MMD2: variants seen among roughly 807,000 people sequenced by gnomAD.
MMD2 encodes the protein monocyte to macrophage differentiation associated 2.
Under a neutral mutation model 33.5 loss-of-function variants are expected in MMD2, and 30 were observed. That is an observed-to-expected ratio of 0.90 (90% CI 0.67 to 1.22). MMD2 has a LOEUF of 1.22. Ranked by LOEUF, MMD2 falls within the 50% of genes most tolerant of loss-of-function variation. The pLI, the probability that MMD2 is intolerant of heterozygous loss-of-function variation, is 0.00. For missense variants in MMD2, 364 were observed against 325.4 expected, an observed-to-expected ratio of 1.12 and a Z score of -0.91; for synonymous variants, 129 against 123.0, an observed-to-expected ratio of 1.05 and a Z score of -0.32.
At position 4,925,436 on chromosome 7, in the gene MMD2, C is replaced by CA; in HGVS notation, c.129+14dup. ...GTCCCCATCTCAGCCCTGAGCCCCC[C>CA]AAAAGCCAACTCACAGCATGGGTGG... On this transcript the variant is annotated intron_variant, in intron 2 of 6. Transcript: ENST00000401401. The CA allele has an allele frequency of 1.3e-6, 2 of 1,535,320 alleles. No homozygotes were observed. The highest frequency in any genetic ancestry group is 1.8e-6 in the Non-Finnish European group (2 of 1,138,784).
At chr7:4,895,979 C>A in the MMD2 span, among the ~76,000 whole-genome samples, 15 of 152,272 alleles carry the variant, frequency 9.9e-5, no homozygotes, top group African/African-American at 3.6e-4. Flanking sequence ...CACGTTTTCC[C>A]ATCACTCCTT....
At chr7:4,935,202 A>C (rs1438012272) in intron 1 of MMD2, among the ~76,000 whole-genome samples, 1 of 151,836 alleles carries the variant, frequency 6.6e-6, no homozygotes, top group Non-Finnish European at 1.5e-5. Flanking sequence ...AGAAAAAAAA[A>C]ACTAGCTATA....
Position 4,940,080 on chromosome 7 carries a change from G to C in MMD2, c.48-14548C>G, listed in dbSNP as rs936730452. Among the ~76,000 whole-genome samples, 1 of 152,174 alleles carries C rather than the reference G, an allele frequency of 6.6e-6. No individual in the cohort carries two copies. ...TAAATTTCAAGAACAGGCAGCGCAG[G>C]TCTGTTGAAGGTCCGATGACGCCAG... On this transcript the variant is annotated intron_variant, in intron 1 of 6. Coordinates refer to ENST00000401401, the MANE Select transcript of MMD2 (RefSeq NM_198403.4). This position sits in a 1 kb window ranked among gnomAD's most constrained non-coding sequence, Gnocchi z 5.0.
rs79755186 is a variant in MMD2 at position 4,956,918 on chromosome 7, C to G, written c.47+2053G>C. 4.7e-3 allele frequency among the ~76,000 whole-genome samples: 716 copies of G among 152,184 alleles called. 5 individuals are homozygous for G. Among genetic ancestry groups the G allele is most frequent in the African/African-American group, 0.017 (696 of 41,526 alleles). ...GCCAGCCTTTACAAGTCCAAGTGCC[C>G]ACTTTGGGAGGCCGAGGTGAGAGGA... On this transcript the variant is annotated intron_variant, in intron 1 of 6. Coordinates refer to ENST00000401401, the MANE Select transcript of MMD2 (RefSeq NM_198403.4).
At chr7:4,945,881 C>T (rs2115150619) in intron 1 of MMD2, among the ~76,000 whole-genome samples, 1 of 152,340 alleles carries the variant, frequency 6.6e-6, no homozygotes, top group African/African-American at 2.4e-5. Flanking sequence ...GGCCTCTTTC[C>T]TTCTTTCCTC....
At chr7:4,918,313 A>AT (rs1454612370) in intron 3 of MMD2, among the ~76,000 whole-genome samples, 1 of 152,166 alleles carries the variant, frequency 6.6e-6, no homozygotes, top group Non-Finnish European at 1.5e-5. Context: ...CCCTGAACAA[A>AT]TTTGACTAAT....
chr7:4,905,294 A>G (rs1327951960), downstream of MMD2, among the ~76,000 whole-genome samples: 25 of 148,348 alleles, frequency 1.7e-4, no homozygotes, highest in African/African-American at 5.6e-4. The surrounding 1 kb of genome is among the most constrained non-coding windows in gnomAD (Gnocchi z 5.0). Flanking sequence ...AAGAAGAAGA[A>G]GAAGAGGAAG....
chr7:4,911,035 T>C (rs2115089226), intron 5 of MMD2, 110 bp downstream of exon 5: 7 of 905,650 alleles, frequency 7.7e-6, no homozygotes, highest in East Asian at 2.7e-5. Context: ...GCCAGAGCTG[T>C]GCTCTCACGA....
chr7:4,922,013 G>C (rs1785299390), intron 2 of MMD2, among the ~76,000 whole-genome samples: 1 of 150,684 alleles, frequency 6.6e-6, no homozygotes, highest in Non-Finnish European at 1.5e-5. Context: ...ATCACCTGAG[G>C]TCAGGAGTTC....
rs577498826 is a variant in MMD2 at position 4,934,318 on chromosome 7, G to C, written c.48-8786C>G. ...AGGGTTTTGCCATGTTGCCCAGGCT[G>C]GTCTCAAACTGCTGGTCTCAAGCAA... is the stretch of plus-strand genomic sequence containing the variant. On this transcript the variant is annotated intron_variant, in intron 1 of 6. Transcript: ENST00000401401. Among the ~76,000 whole-genome samples, 33 of 152,266 alleles carry C rather than the reference G, an allele frequency of 2.2e-4. No homozygotes were observed. The East Asian group carries it at 6.0e-3, about 28-fold the overall frequency.
At chr7:4,916,137 C>T (rs1785136934) in intron 3 of MMD2, 58 bp from the exon 4 acceptor site, 10 of 1,535,482 alleles carry the variant, frequency 6.5e-6, no homozygotes, top group Non-Finnish European at 9.0e-6. Flanking sequence ...AGGGCCAGTG[C>T]CCCCAGAGCC....
chr7:4,957,598 G>A (rs1284820321), intron 1 of MMD2, among the ~76,000 whole-genome samples: 4 of 151,390 alleles, frequency 2.6e-5, no homozygotes, highest in East Asian at 1.9e-4. Context: ...GCAGTGGGCC[G>A]AGATCATGCC....
At chr7:4,936,562 C>T (rs946171209) in intron 1 of MMD2, among the ~76,000 whole-genome samples, 4 of 151,874 alleles carry the variant, frequency 2.6e-5, no homozygotes, top group African/African-American at 7.3e-5. Context: ...TATTTCATTA[C>T]TAATTTATTT....
chr7:4,924,294 G>T (rs1785366176), intron 2 of MMD2, among the ~76,000 whole-genome samples: 1 of 152,260 alleles, frequency 6.6e-6, no homozygotes, highest in African/African-American at 2.4e-5. Flanking sequence ...TCCTTTCTAT[G>T]ACACCGGTGG....
chr7:4,932,957 T>G (rs540751862), intron 1 of MMD2, among the ~76,000 whole-genome samples: 2 of 151,388 alleles, frequency 1.3e-5, no homozygotes, highest in East Asian at 3.9e-4. Flanking sequence ...ATGTCACCTA[T>G]GTGGAGTCAT....
chr7:4,919,124 A>G (rs1462108185), intron 3 of MMD2, among the ~76,000 whole-genome samples: 2 of 151,622 alleles, frequency 1.3e-5, no homozygotes, highest in Non-Finnish European at 2.9e-5. Context: ...TCAAAACTGT[A>G]ATATCAGGGA....
At chr7:4,950,299 C>T (rs1279454698) in intron 1 of MMD2, among the ~76,000 whole-genome samples, 2 of 152,152 alleles carry the variant, frequency 1.3e-5, no homozygotes, top group East Asian at 1.9e-4. Context: ...GGTTTCTCCA[C>T]GTTGGTCAGT....
At chr7:4,910,075 C>T in intron 5 of MMD2, 125 bp from the exon 6 acceptor site, 1 of 1,603,008 alleles carries the variant, frequency 6.2e-7, no homozygotes, top group Non-Finnish European at 8.5e-7. Context: ...AGGACGCTTT[C>T]TCTGTCCAGC....
At chr7:4,932,301 C>T (rs1020077283) in intron 1 of MMD2, among the ~76,000 whole-genome samples, 2 of 152,138 alleles carry the variant, frequency 1.3e-5, no homozygotes, top group Non-Finnish European at 2.9e-5. Flanking sequence ...TTCCCACCAC[C>T]CTGAAGACCC....
Sources: gnomAD v4.1 joint callset for allele counts (sites outside exome capture counted in the v4.1 genomes callset) on GRCh38, gnomAD v4.1.1 for gene constraint, Gnocchi (gnomAD v3.1) non-coding constraint, MANE v1.5 for transcripts, NCBI Gene and HGNC (gene_info 2026-07-23, HGNC 2026-07-21) for gene names.